Variants in ASXL2 observed in about 807,000 individuals in gnomAD.
The protein encoded by ASXL2 is putative Polycomb group protein ASXL2.
ASXL2 carries 23 observed loss-of-function variants against 122.0 expected under a neutral mutation model. The ratio of observed to expected loss-of-function variants is 0.19; its 90% CI spans 0.14 to 0.27. ASXL2 has a LOEUF of 0.27. ASXL2 is among the 10% of genes least tolerant of loss of function. ASXL2 has a pLI of 1.00. For synonymous variants in ASXL2, 650 were observed against 637.0 expected (o/e 1.02, Z -0.31); for missense variants, 1,518 against 1,713.8 (o/e 0.89, Z 2.02).
intron 1 of ASXL2, among the ~76,000 whole-genome samples, chr2:25,863,328 C>CAAAAAAAA: frequency 7.0e-6 from 1 of 142,156 alleles, no homozygotes; most frequent in African/African-American, 2.6e-5. Context: ...GACTCCATCT[C>CAAAAAAAA]CAAAAAAAAA....
chr2:25,875,808 G>C (rs988574731), intron 1 of ASXL2, among the ~76,000 whole-genome samples: 6 of 152,054 alleles, frequency 3.9e-5, no homozygotes, highest in Admixed American at 1.3e-4. Flanking sequence ...ATAAGTTTAA[G>C]CCTTAAAACT....
At chr2:25,774,082 A>G (rs2088506408) in intron 5 of ASXL2, among the ~76,000 whole-genome samples, 1 of 151,850 alleles carries the variant, frequency 6.6e-6, no homozygotes, top group Admixed American at 6.6e-5. Flanking sequence ...CATCTTGCCT[A>G]AAGTATAAAA....
intron 3 of ASXL2, among the ~76,000 whole-genome samples, chr2:25,812,220 A>G (rs1473425182): frequency 6.6e-6 from 1 of 151,374 alleles, no homozygotes; most frequent in South Asian, 2.1e-4. Context: ...GCACTTTGGG[A>G]GCCGAGGCAG....
At chr2:25,830,028 AG>A (rs1396095097) in intron 3 of ASXL2, among the ~76,000 whole-genome samples, 1 of 152,206 alleles carries the variant, frequency 6.6e-6, no homozygotes. Context: ...CTCAAACAGA[AG>A]CAACAGAGAT....
chr2:25,785,734 A>G (rs1437802442), intron 5 of ASXL2, among the ~76,000 whole-genome samples: 4 of 151,886 alleles, frequency 2.6e-5, no homozygotes, highest in Non-Finnish European at 5.9e-5. Context: ...TTTAGTAGAG[A>G]TGGGACTTCA....
intron 6 of ASXL2, among the ~76,000 whole-genome samples, chr2:25,770,064 T>C (rs2088419597): frequency 6.6e-6 from 1 of 152,262 alleles, no homozygotes. Flanking sequence ...TCAGAAGATG[T>C]TCATAAATTC....
Position 25,739,686 on chromosome 2 carries a change from G to A in ASXL2, c.*2343C>T, listed in dbSNP as rs982374976. 7 of 202,274 alleles carry A rather than the reference G, an allele frequency of 3.5e-5. No homozygotes were observed. Among genetic ancestry groups the A allele is most frequent in the Admixed American group, 2.4e-4 (4 of 16,672 alleles). 12.5% of individuals were successfully genotyped at this position (202,274 alleles called of 1,614,324 possible). A position where few individuals can be genotyped will look rare whatever the true frequency, so the allele number is the denominator to read the frequency against. On this transcript the variant is annotated 3_prime_UTR_variant, in exon 13 of 13. Transcript: ENST00000435504. The stretch of plus-strand genomic sequence containing the variant: ...GCACAATATGGTTTGCTCTCTAAAC[G>A]GACTTAAAAATCCCTGATACCTTTC...
At chr2:25,843,010 C>T (rs111394378) in intron 2 of ASXL2, among the ~76,000 whole-genome samples, 6,365 of 149,720 alleles carry the variant, frequency 0.043, 207 homozygotes, top group African/African-American at 0.081. Flanking sequence ...TTAATAGAGA[C>T]GGGGTTTTGG....
rs2087741514 is a variant in ASXL2, at chr2:25,736,702, T to G, written c.*5327A>C. 6.6e-6 allele frequency: 1 copy of G among 152,148 alleles called. No homozygotes were observed. The highest frequency in any genetic ancestry group is 6.5e-5 in the Admixed American group (1 of 15,276). The allele number at this position is 152,148 out of a possible 1,614,324, so 9.4% of individuals were successfully genotyped here. On this transcript the variant is annotated 3_prime_UTR_variant, in exon 13 of 13. Transcript: ENST00000435504. ...ATTAACTTCCAAAATATATTTTTTC[T>G]TTTCAGTGAAAGTAACCACAGCTGG...
chr2:25,837,148 G>T (rs551053591), intron 2 of ASXL2, among the ~76,000 whole-genome samples: 1 of 151,462 alleles, frequency 6.6e-6, no homozygotes, highest in African/African-American at 2.4e-5. Flanking sequence ...CATTAAGTCC[G>T]ACACTTAATG....
Position 25,781,294 on chromosome 2 carries a change from G to A in ASXL2, c.404-9754C>T, listed in dbSNP as rs547873916. On this transcript the variant is annotated intron_variant, in intron 5 of 12. Coordinates refer to ENST00000435504, the MANE Select transcript of ASXL2 (RefSeq NM_018263.6). The stretch of plus-strand genomic sequence containing the variant: ...CACGCCTGTAATCCCAACACTTTGG[G>A]AGGTCGCAGGAGGAGAATCGTTTGA... Among the ~76,000 whole-genome samples the A allele has an allele frequency of 4.6e-5, 7 of 152,186 alleles. No individual in the cohort carries two copies. In the South Asian group the frequency reaches 1.0e-3, roughly 23 times the overall value.
chr2:25,861,352 C>T (rs1162747831), intron 1 of ASXL2, among the ~76,000 whole-genome samples: 2 of 152,128 alleles, frequency 1.3e-5, no homozygotes, highest in Non-Finnish European at 2.9e-5. Context: ...TGCCCACATA[C>T]TTAATAACAC....
chr2:25,769,480 C>T (rs1256136246), intron 6 of ASXL2, among the ~76,000 whole-genome samples: 3 of 152,056 alleles, frequency 2.0e-5, no homozygotes, highest in Non-Finnish European at 2.9e-5. Context: ...GAAGACTAGA[C>T]AATACTGGTT....
chr2:25,755,819 G>A (rs2088120141), intron 10 of ASXL2, among the ~76,000 whole-genome samples, 199 bp downstream of exon 10: 1 of 152,186 alleles, frequency 6.6e-6, no homozygotes, highest in South Asian at 2.1e-4. Context: ...GAAACATATT[G>A]CTAGATTCCA....
chr2:25,774,935 T>TA (rs2088521003), intron 5 of ASXL2, among the ~76,000 whole-genome samples: 1 of 152,226 alleles, frequency 6.6e-6, no homozygotes, highest in Non-Finnish European at 1.5e-5. Flanking sequence ...GAACACTTGT[T>TA]AACATTTTTT....
At chr2:25,844,611 A>AG (rs2089628407) in intron 2 of ASXL2, among the ~76,000 whole-genome samples, 3 of 151,712 alleles carry the variant, frequency 2.0e-5, no homozygotes, top group South Asian at 4.2e-4. Flanking sequence ...AAAACAAAAA[A>AG]AAACACACAC....
chr2:25,748,131 T>C (rs1005917694), intron 12 of ASXL2, among the ~76,000 whole-genome samples: 2 of 151,936 alleles, frequency 1.3e-5, no homozygotes, highest in Admixed American at 6.6e-5. Context: ...TGAGCCAAGA[T>C]TGCATCACTG....
At chr2:25,825,177 G>A (rs2089361878) in intron 3 of ASXL2, among the ~76,000 whole-genome samples, 1 of 152,072 alleles carries the variant, frequency 6.6e-6, no homozygotes, top group Non-Finnish European at 1.5e-5. Flanking sequence ...AAAGTTAAAG[G>A]CATACCTCTG....
Position 25,743,807 on chromosome 2 carries a change from C to G in ASXL2, c.2530G>C (p.Ala844Pro), listed in dbSNP as rs1444386149. The G allele has an allele frequency of 6.8e-6, 11 of 1,613,908 alleles. 1 individual carries two copies. The highest frequency in any genetic ancestry group is 8.5e-6 in the Non-Finnish European group (10 of 1,179,906). ...TCAGCTGCACAATGAACAGGTGAGGCACCTGAGATTAGAGCAGGACCTGTT... is the reference window on the plus strand; with the variant it reads ...TCAGCTGCACAATGAACAGGTGAGGGACCTGAGATTAGAGCAGGACCTGTT... ...SPTGPALISG[A>P]SPVHCAADGT... Residue 844 changes from alanine (A) to proline (P), a missense_variant, in exon 13 of 13, where the codon GCC becomes CCC. This residue lies in a region of ASXL2 where 831 missense variants were observed against 833.1 expected (regional missense o/e 1.00). Transcript: ENST00000435504.
Sources: gnomAD v4.1 joint callset for allele counts (sites outside exome capture counted in the v4.1 genomes callset) on GRCh38, gnomAD v4.1.1 for gene constraint, gnomAD v4.1.1 regional missense constraint, MANE v1.5 for transcripts, NCBI Gene and HGNC (gene_info 2026-07-23, HGNC 2026-07-21) for gene names.